IL31RA: variants seen among roughly 807,000 people sequenced by gnomAD.
IL31RA encodes interleukin 31 receptor A.
A neutral mutation model predicts 83.7 loss-of-function variants in IL31RA; 66 were observed. The observed-to-expected ratio is 0.79, with a 90% CI of 0.65 to 0.97. The LOEUF is 0.97. IL31RA is among the 50% of genes least tolerant of loss of function. The probability of loss-of-function intolerance (pLI) is 0.00; values close to 1 mark genes in which losing one functional copy is unlikely to be tolerated. For missense variants in IL31RA, 798 were observed against 919.4 expected (o/e 0.87, Z 1.71); for synonymous variants, 325 against 329.0 (o/e 0.99, Z 0.13).
intron 1 of IL31RA, among the ~76,000 whole-genome samples, chr5:55,855,745 A>G (rs886128914): frequency 6.6e-6 from 1 of 152,264 alleles, no homozygotes; most frequent in Non-Finnish European, 1.5e-5. Flanking sequence ...GTTTCCCAGC[A>G]GAGGCAGTAG....
At chr5:55,867,175 G>GTT (rs1746154364) in intron 2 of IL31RA, among the ~76,000 whole-genome samples, 1 of 78,284 alleles carries the variant, frequency 1.3e-5, no homozygotes, top group Non-Finnish European at 2.7e-5. Context: ...GTGCATGTGT[G>GTT]TGTGCATGTG....
chr5:55,852,628 C>T (rs1420291647), intron 1 of IL31RA, among the ~76,000 whole-genome samples: 1 of 152,158 alleles, frequency 6.6e-6, no homozygotes, highest in African/African-American at 2.4e-5. Context: ...TGTTTTAAAA[C>T]TTAGTTTTCT....
chr5:55,903,429 GA>G lies in IL31RA; in HGVS notation c.1070-2674del, dbSNP rs1748946089. 6.6e-6 allele frequency among the ~76,000 whole-genome samples: 1 copy of G among 152,350 alleles called. No individual in the cohort carries two copies. Among genetic ancestry groups the G allele is most frequent in the African/African-American group, 2.4e-5 (1 of 41,596 alleles). Reference sequence around the variant, plus strand: ...TGGGGATGTTTGGAGTAATTGCTCAGAAAGCTCTTGTTGAATGATGGAAGGA... The same window carrying G: ...TGGGGATGTTTGGAGTAATTGCTCAGAAGCTCTTGTTGAATGATGGAAGGA... On this transcript the variant is annotated intron_variant, in intron 8 of 14. Coordinates refer to ENST00000652347, the MANE Select transcript of IL31RA (RefSeq NM_139017.7). This position sits in a 1 kb window ranked among gnomAD's most constrained non-coding sequence, Gnocchi z 4.7.
intron 8 of IL31RA, among the ~76,000 whole-genome samples, 164 bp from the exon 9 acceptor site, chr5:55,905,942 G>A (rs544039764): frequency 1.9e-4 from 29 of 152,374 alleles, no homozygotes; most frequent in Admixed American, 1.5e-3. Context: ...TAAGGAAAAA[G>A]GATGCAATAA....
At chr5:55,893,809 ATTT>A (rs66540216) in intron 6 of IL31RA, among the ~76,000 whole-genome samples, 116 of 125,914 alleles carry the variant, frequency 9.2e-4, no homozygotes, top group Middle Eastern at 7.9e-3. Flanking sequence ...CTATGAGATA[ATTT>A]TTTTTTTTTT....
At chr5:55,902,755 TTAAG>T (rs760281953) in intron 8 of IL31RA, among the ~76,000 whole-genome samples, 11 of 152,224 alleles carry the variant, frequency 7.2e-5, no homozygotes, top group Admixed American at 1.3e-4. Flanking sequence ...ATAACTATCA[TTAAG>T]TAATAGTTAT....
chr5:55,859,720 T>G, intron 2 of IL31RA, 121 bp downstream of exon 2: 1 of 758,888 alleles, frequency 1.3e-6, no homozygotes, highest in Admixed American at 1.9e-5. Context: ...AGGGGACTTG[T>G]GAACACCCTG....
rs1158912855 is a variant in IL31RA, at chr5:55,919,223, G to T, written c.*2103G>T. ...CTTTCAACCCTCCTGCCCACCTGTA[G>T]TTGGGGGAATTTTCTCAAATTCTGT... is the stretch of plus-strand genomic sequence containing the variant. On this transcript the variant is annotated 3_prime_UTR_variant, in exon 15 of 15. Transcript: ENST00000652347. Among the ~76,000 whole-genome samples the T allele has an allele frequency of 6.6e-6, 1 of 152,198 alleles. No individual in the cohort carries two copies. Among genetic ancestry groups the T allele is most frequent in the African/African-American group, 2.4e-5 (1 of 41,456 alleles).
At chr5:55,843,037 C>A in the IL31RA span, among the ~76,000 whole-genome samples, 1 of 152,112 alleles carries the variant, frequency 6.6e-6, no homozygotes, top group Non-Finnish European at 1.5e-5. Context: ...TCAAGTTGTC[C>A]CCACCACCCC....
chr5:55,917,122 TG>T lies in IL31RA; in HGVS notation c.*3del. ...GAGCACACCAAGGGAGAAGTCTAAA[TG>T]CGACCATAGCATGAGACCCTCGGGG... On this transcript the variant is annotated 3_prime_UTR_variant, in exon 15 of 15. Coordinates refer to ENST00000652347, the MANE Select transcript of IL31RA (RefSeq NM_139017.7). The T allele has an allele frequency of 6.2e-7, 1 of 1,614,140 alleles. No homozygotes were observed. Among genetic ancestry groups the T allele is most frequent in the Non-Finnish European group, 8.5e-7 (1 of 1,180,042 alleles).
chr5:55,859,373 G>T, intron 1 of IL31RA, 136 bp from the exon 2 acceptor site: 1 of 715,916 alleles, frequency 1.4e-6, no homozygotes, highest in South Asian at 1.5e-5. Flanking sequence ...GAAGGATCTA[G>T]GTGATGATAG....
At chr5:55,913,193 C>T (rs749856507) in intron 12 of IL31RA, among the ~76,000 whole-genome samples, 2 of 152,002 alleles carry the variant, frequency 1.3e-5, no homozygotes, top group Non-Finnish European at 2.9e-5. Context: ...CAGGTTCAAG[C>T]GATTCTTCTG....
chr5:55,872,778 A>G (rs1302328510), intron 4 of IL31RA, among the ~76,000 whole-genome samples: 1 of 152,042 alleles, frequency 6.6e-6, no homozygotes, highest in East Asian at 1.9e-4. Context: ...CACCCTGCCA[A>G]TGTCATTGCT....
At chr5:55,857,370 G>A (rs921083108) in intron 1 of IL31RA, among the ~76,000 whole-genome samples, 21 of 152,070 alleles carry the variant, frequency 1.4e-4, no homozygotes, top group African/African-American at 4.8e-4. Flanking sequence ...CAAAGTCTTG[G>A]GATTACATGT....
At chr5:55,848,665 T>A (rs1744989113), upstream of IL31RA, among the ~76,000 whole-genome samples, 1 of 152,224 alleles carries the variant, frequency 6.6e-6, no homozygotes, top group African/African-American at 2.4e-5. Flanking sequence ...CATGATTATT[T>A]CTTTTAGATA....
intron 1 of IL31RA, 118 bp downstream of exon 1, chr5:55,851,751 G>C: frequency 6.3e-7 from 1 of 1,594,850 alleles, no homozygotes; most frequent in Non-Finnish European, 8.6e-7. Flanking sequence ...ATCCTGAGCC[G>C]TATGAGATTC....
the IL31RA span, among the ~76,000 whole-genome samples, chr5:55,845,806 G>A: frequency 2.6e-3 from 392 of 152,236 alleles, 2 homozygotes; most frequent in Admixed American, 7.8e-3. Flanking sequence ...GTGTGAGAAC[G>A]GACTAATACA....
intron 7 of IL31RA, 40 bp downstream of exon 7, chr5:55,896,469 C>T (rs1328707683): frequency 3.0e-6 from 4 of 1,342,824 alleles, no homozygotes; most frequent in Non-Finnish European, 4.3e-6. Context: ...TCTTTCTTCC[C>T]CTTCCCTCCT....
Position 55,897,621 on chromosome 5 carries a change from C to T in IL31RA, c.852+1192C>T, listed in dbSNP as rs114896067. 3.5e-3 allele frequency among the ~76,000 whole-genome samples: 538 copies of T among 151,786 alleles called. 5 individuals carry two copies. Among genetic ancestry groups the T allele is most frequent in the African/African-American group, 0.012 (513 of 41,340 alleles). On this transcript the variant is annotated intron_variant, in intron 7 of 14. Coordinates refer to ENST00000652347, the MANE Select transcript of IL31RA (RefSeq NM_139017.7). ...AGGGACCACATGGTCCTTCCTAGGG[C>T]GGAGGCCTGGGAGTGAGGAACAGGA...
Sources: allele counts gnomAD v4.1 joint callset (sites outside exome capture counted in the v4.1 genomes callset), GRCh38; gene constraint gnomAD v4.1.1; non-coding constraint Gnocchi (gnomAD v3.1); transcripts MANE v1.5; gene names NCBI Gene and HGNC (gene_info 2026-07-23, HGNC 2026-07-21).